TTLL5: variants seen among roughly 807,000 people sequenced by gnomAD.
TTLL5 encodes the protein tubulin tyrosine ligase like 5.
In TTLL5, 132 loss-of-function variants were observed where a neutral mutation model predicts 168.4. That is an observed-to-expected ratio of 0.78 (90% CI 0.68 to 0.91). The LOEUF (loss-of-function observed/expected upper bound fraction) is 0.91, where lower values mean the gene tolerates loss of function less well. Among genes scored for constraint, TTLL5 ranks in the 40% least tolerant of loss-of-function variants. The pLI is 0.00. For missense variants in TTLL5, 1,545 were observed against 1,581.5 expected (o/e 0.98, Z 0.39); for synonymous variants, 546 against 558.6 (o/e 0.98, Z 0.32).
intron 17 of TTLL5, among the ~76,000 whole-genome samples, chr14:75,749,913 T>C (rs1466778917): frequency 6.6e-6 from 1 of 152,176 alleles, no homozygotes; most frequent in African/African-American, 2.4e-5. Flanking sequence ...TGGAAAATTA[T>C]TTACACATAT....
intron 28 of TTLL5, among the ~76,000 whole-genome samples, chr14:75,862,011 A>G (rs1239044859): frequency 6.6e-6 from 1 of 152,168 alleles, no homozygotes; most frequent in African/African-American, 2.4e-5. Flanking sequence ...ATGACTTCCT[A>G]TTCCCTAATT....
intron 21 of TTLL5, among the ~76,000 whole-genome samples, chr14:75,773,438 C>A (rs778485094): frequency 2.6e-5 from 4 of 152,022 alleles, no homozygotes; most frequent in Non-Finnish European, 4.4e-5. Flanking sequence ...GGACAATGAA[C>A]CAAAATCAAA....
At chr14:75,663,311 C>T (rs969272011) in intron 2 of TTLL5, 88 bp downstream of exon 2, 2 of 1,264,112 alleles carry the variant, frequency 1.6e-6, no homozygotes, top group Non-Finnish European at 2.2e-6. Flanking sequence ...ATACTCTTCT[C>T]TTTTACTTAT....
intron 17 of TTLL5, among the ~76,000 whole-genome samples, chr14:75,751,902 C>G (rs549078286): frequency 6.6e-6 from 1 of 152,132 alleles, no homozygotes; most frequent in Non-Finnish European, 1.5e-5. Context: ...CCCCGAGGGC[C>G]GCTGGTTGCC....
intron 6 of TTLL5, 104 bp downstream of exon 6, chr14:75,690,426 C>A: frequency 7.3e-7 from 1 of 1,374,952 alleles, no homozygotes; most frequent in Non-Finnish European, 9.7e-7. Context: ...CTTTCCAAAT[C>A]CTTAGACAAC....
At chr14:75,714,997 G>T (rs903263958) in intron 9 of TTLL5, among the ~76,000 whole-genome samples, 1 of 152,116 alleles carries the variant, frequency 6.6e-6, no homozygotes, top group Non-Finnish European at 1.5e-5. Context: ...CACAATTCTA[G>T]TTCAAAACTA....
intron 28 of TTLL5, among the ~76,000 whole-genome samples, chr14:75,834,498 C>A (rs1006000909): frequency 6.6e-6 from 1 of 152,128 alleles, no homozygotes; most frequent in African/African-American, 2.4e-5. Context: ...TTCCCTTTCC[C>A]ATTCTTATTT....
chr14:75,697,673 C>A (rs1262247093), intron 6 of TTLL5, among the ~76,000 whole-genome samples: 2 of 152,154 alleles, frequency 1.3e-5, no homozygotes, highest in Non-Finnish European at 2.9e-5. Flanking sequence ...TTCTGAAGAC[C>A]TGCCTGGTAT....
chr14:75,708,004 T>C (rs941376299), intron 9 of TTLL5, among the ~76,000 whole-genome samples: 5 of 152,232 alleles, frequency 3.3e-5, no homozygotes, highest in African/African-American at 9.6e-5. Context: ...TTTCCTGCAG[T>C]GACAATTGTT....
intron 31 of TTLL5, among the ~76,000 whole-genome samples, chr14:75,952,959 A>G (rs879051146): frequency 6.6e-6 from 1 of 152,228 alleles, no homozygotes; most frequent in Admixed American, 6.5e-5. Flanking sequence ...CACAACTCTG[A>G]ATATAATATA....
chr14:75,904,137 C>T (rs961715941), intron 31 of TTLL5: 1 of 1,275,044 alleles, frequency 7.8e-7, no homozygotes, highest in Non-Finnish European at 1.0e-6. Context: ...GATGTGTTCT[C>T]CACTGAACAT....
At chr14:75,815,326 G>T (rs1223792641) in intron 27 of TTLL5, among the ~76,000 whole-genome samples, 1 of 152,172 alleles carries the variant, frequency 6.6e-6, no homozygotes, top group Non-Finnish European at 1.5e-5. Flanking sequence ...CTCATTCCTT[G>T]TATAGTCTCT....
chr14:75,858,696 C>T lies in TTLL5; in HGVS notation c.3327-4971C>T, dbSNP rs115917154. Reference sequence around the variant, plus strand: ...CAGGAAAAGTTTGACTTTTGGAAAACGTGTATCCACCACTGTGAGTTTGAC... The same window carrying T: ...CAGGAAAAGTTTGACTTTTGGAAAATGTGTATCCACCACTGTGAGTTTGAC... On this transcript the variant is annotated intron_variant, in intron 28 of 31. Transcript: ENST00000298832. 8.4e-3 allele frequency among the ~76,000 whole-genome samples: 1,273 copies of T among 152,268 alleles called. 18 individuals carry two copies. Among genetic ancestry groups the T allele is most frequent in the African/African-American group, 0.029 (1,197 of 41,542 alleles).
At position 75,663,803 on chromosome 14, in the gene TTLL5, G is replaced by A. The variant is rs572335826; in HGVS notation, c.74+580G>A. 3.3e-5 allele frequency among the ~76,000 whole-genome samples: 5 copies of A among 152,306 alleles called. 1 individual carries two copies. In the South Asian group the frequency reaches 1.0e-3, roughly 32 times the overall value. ...ATCATCACAATAAGAATGAATAATA[G>A]CTAGGTGTGTTGGCTTATGCCTGTA... On this transcript the variant is annotated intron_variant, in intron 2 of 31. Transcript: ENST00000298832.
chr14:75,908,684 A>G lies in TTLL5; in HGVS notation c.3823+6460A>G, dbSNP rs367736511. On this transcript the variant is annotated intron_variant, in intron 31 of 31. Coordinates refer to ENST00000298832, the MANE Select transcript of TTLL5 (RefSeq NM_015072.5). ...GCTGCCCAGGGCAAGTGTCATATTT[A>G]AATACCTACATTGTTCTTTGTTTTC... Among the ~76,000 whole-genome samples the G allele has an allele frequency of 1.4e-3, 208 of 152,296 alleles. 4 individuals carry two copies. The South Asian group carries it at 0.027, about 19-fold the overall frequency.
At chr14:75,756,511 C>CT (rs34387037) in intron 18 of TTLL5, among the ~76,000 whole-genome samples, 32 of 144,584 alleles carry the variant, frequency 2.2e-4, no homozygotes, top group South Asian at 8.9e-4. Context: ...AAACTGGGGA[C>CT]TTTTTTTTTT....
intron 31 of TTLL5, among the ~76,000 whole-genome samples, chr14:75,943,762 T>C (rs2034685133): frequency 6.6e-6 from 1 of 152,096 alleles, no homozygotes; most frequent in Non-Finnish European, 1.5e-5. Flanking sequence ...ATAATTGAAA[T>C]TGCCAAATAG....
intron 3 of TTLL5, among the ~76,000 whole-genome samples, chr14:75,679,868 A>T (rs1195683877): frequency 6.6e-6 from 1 of 152,238 alleles, no homozygotes; most frequent in Non-Finnish European, 1.5e-5. Flanking sequence ...ACAAGAATGA[A>T]AAGGACGAAG....
intron 26 of TTLL5, among the ~76,000 whole-genome samples, chr14:75,792,099 T>A (rs1345822991): frequency 6.6e-6 from 1 of 151,832 alleles, no homozygotes; most frequent in Non-Finnish European, 1.5e-5. Context: ...ATTAAATAAT[T>A]TCTTTTTGCC....
Sources: allele counts gnomAD v4.1 joint callset (sites outside exome capture counted in the v4.1 genomes callset), GRCh38; gene constraint gnomAD v4.1.1; transcripts MANE v1.5; gene names NCBI Gene and HGNC (gene_info 2026-07-23, HGNC 2026-07-21).